RGS7: variants seen among roughly 807,000 people sequenced by gnomAD.
RGS7 encodes the protein regulator of G-protein signaling 7.
A neutral mutation model predicts 81.1 loss-of-function variants in RGS7; 27 were observed. That is an observed-to-expected ratio of 0.33 (90% CI 0.25 to 0.46). The LOEUF (loss-of-function observed/expected upper bound fraction) is 0.46. Among genes scored for constraint, RGS7 ranks in the 20% least tolerant of loss-of-function variants. The pLI is 1.00. For missense variants in RGS7, 396 were observed against 607.4 expected, an observed-to-expected ratio of 0.65 and a Z score of 3.66; for synonymous variants, 208 against 207.7, an observed-to-expected ratio of 1.00 and a Z score of -0.01.
intron 2 of RGS7, among the ~76,000 whole-genome samples, chr1:241,152,540 C>A (rs970906971): frequency 4.6e-5 from 7 of 152,130 alleles, no homozygotes; most frequent in Non-Finnish European, 8.8e-5. Flanking sequence ...ATTGTGCAGG[C>A]GTAGGTCTTG....
At chr1:241,221,038 GAA>G (rs1491557038) in intron 2 of RGS7, among the ~76,000 whole-genome samples, 2,115 of 73,300 alleles carry the variant, frequency 0.029, 79 homozygotes, top group Admixed American at 0.15. Flanking sequence ...AGGAAGGAAG[GAA>G]AAGAAAGAAA....
chr1:240,907,441 T>C (rs1671004303), intron 6 of RGS7, among the ~76,000 whole-genome samples: 1 of 151,324 alleles, frequency 6.6e-6, no homozygotes, highest in Non-Finnish European at 1.5e-5. Context: ...ATCGTAGAAA[T>C]AAAATACTAA....
chr1:240,941,889 AGCATCAC>A (rs893247053), intron 4 of RGS7, among the ~76,000 whole-genome samples: 2 of 151,112 alleles, frequency 1.3e-5, no homozygotes, highest in African/African-American at 4.9e-5. Flanking sequence ...ATGGCCCAGC[AGCATCAC>A]GCTTCACGGC....
At position 240,881,349 on chromosome 1, in the gene RGS7, G is replaced by A. The variant is rs1357277755; in HGVS notation, c.386-11230C>T. On this transcript the variant is annotated intron_variant, in intron 6 of 18. Coordinates refer to ENST00000440928, the MANE Select transcript of RGS7 (RefSeq NM_001364886.1). ...GAACATCACACACGGGGGGCCTGTC[G>A]TGGGGTGGGGGGCTAGGGGAAGGAT... 5.3e-5 allele frequency among the ~76,000 whole-genome samples: 8 copies of A among 150,236 alleles called. No homozygotes were observed. The South Asian group carries it at 1.3e-3, about 24-fold the overall frequency.
intron 4 of RGS7, among the ~76,000 whole-genome samples, chr1:240,979,030 T>C (rs746766549): frequency 1.3e-5 from 2 of 152,100 alleles, no homozygotes; most frequent in Non-Finnish European, 2.9e-5. Context: ...CAATGGCCCA[T>C]TTATATTTTG....
chr1:241,002,562 C>T (rs1185831384), intron 3 of RGS7, among the ~76,000 whole-genome samples: 1 of 151,876 alleles, frequency 6.6e-6, no homozygotes, highest in African/African-American at 2.4e-5. Flanking sequence ...ATTTTGCTGT[C>T]ACATTTTATA....
At chr1:241,299,775 T>A (rs1237150020) in intron 2 of RGS7, among the ~76,000 whole-genome samples, 3 of 150,710 alleles carry the variant, frequency 2.0e-5, no homozygotes, top group Non-Finnish European at 4.4e-5. Flanking sequence ...AACTGTCACA[T>A]TAAAGCATCA....
chr1:241,346,274 G>A (rs987077224), intron 2 of RGS7, among the ~76,000 whole-genome samples: 1 of 137,510 alleles, frequency 7.3e-6, no homozygotes, highest in Non-Finnish European at 1.6e-5. Flanking sequence ...ATCCTATGAT[G>A]AGGTGCTTGG....
At chr1:241,257,388 A>G (rs2077103983) in intron 2 of RGS7, among the ~76,000 whole-genome samples, 1 of 152,198 alleles carries the variant, frequency 6.6e-6, no homozygotes, top group Admixed American at 6.5e-5. Context: ...TTGGGGATCA[A>G]GTTTCAACAT....
At chr1:240,792,006 C>T (rs1368503379) in intron 18 of RGS7, among the ~76,000 whole-genome samples, 1 of 152,148 alleles carries the variant, frequency 6.6e-6, no homozygotes, top group Non-Finnish European at 1.5e-5. Flanking sequence ...GATTACATTA[C>T]ATAGAAGATA....
intron 9 of RGS7, among the ~76,000 whole-genome samples, chr1:240,849,521 T>A (rs996323495): frequency 2.0e-4 from 30 of 152,336 alleles, no homozygotes; most frequent in Middle Eastern, 3.4e-3. Context: ...CTCCTCCAAA[T>A]CTCATGTTGA....
At chr1:240,872,135 C>T (rs529077301) in intron 6 of RGS7, among the ~76,000 whole-genome samples, 22 of 152,136 alleles carry the variant, frequency 1.4e-4, no homozygotes, top group African/African-American at 4.3e-4. Flanking sequence ...AATGAAGGTG[C>T]GGGCAGACAG....
At chr1:241,136,759 CA>C (rs1267993017) in intron 2 of RGS7, among the ~76,000 whole-genome samples, 27 of 152,288 alleles carry the variant, frequency 1.8e-4, no homozygotes, top group African/African-American at 6.3e-4. Flanking sequence ...TTTGTGATTT[CA>C]CATGTAAAAA....
chr1:241,200,966 A>G (rs1265450267), intron 2 of RGS7, among the ~76,000 whole-genome samples: 1 of 152,158 alleles, frequency 6.6e-6, no homozygotes, highest in Non-Finnish European at 1.5e-5. Flanking sequence ...CTACCTGCTG[A>G]TATCTTCAAG....
intron 2 of RGS7, among the ~76,000 whole-genome samples, chr1:241,131,525 T>C (rs1249885329): frequency 6.6e-6 from 1 of 152,174 alleles, no homozygotes; most frequent in Non-Finnish European, 1.5e-5. Flanking sequence ...GAACTACTGT[T>C]TGTAGAAGAC....
chr1:241,063,039 AG>A lies in RGS7; in HGVS notation c.175+35626del, dbSNP rs372746183. Among the ~76,000 whole-genome samples, 712 of 152,206 alleles carry A rather than the reference AG, an allele frequency of 4.7e-3. 5 individuals are homozygous for A. The highest frequency in any genetic ancestry group is 0.016 in the African/African-American group (685 of 41,526). On this transcript the variant is annotated intron_variant, in intron 3 of 18. Transcript: ENST00000440928. Reference sequence around the variant, plus strand: ...ACGGATATAAGTCTTGTGTAGTCTGAGGTGTTCATTTCAACCCTGGATAGTA... The same window carrying A: ...ACGGATATAAGTCTTGTGTAGTCTGAGTGTTCATTTCAACCCTGGATAGTA...
At chr1:241,146,457 G>C (rs1308950128) in intron 2 of RGS7, among the ~76,000 whole-genome samples, 1 of 152,126 alleles carries the variant, frequency 6.6e-6, no homozygotes, top group African/African-American at 2.4e-5. Context: ...GAGAAACAAC[G>C]CTATGCTCTG....
In RGS7 at chr1:241,357,126, C is replaced by G. The variant is rs935944188; in HGVS notation, c.-278G>C. On this transcript the variant is annotated 5_prime_UTR_variant, in exon 1 of 19. Coordinates refer to ENST00000440928, the MANE Select transcript of RGS7 (RefSeq NM_001364886.1). ...CGGCAGCCGCCACTCGCGCCCGCTC[C>G]CCTGGGCCGCCTCGCTGGCTCTCTC... The G allele has an allele frequency of 1.3e-5, 2 of 152,178 alleles. No individual in the cohort carries two copies. The highest frequency in any genetic ancestry group is 1.5e-5 in the Non-Finnish European group (1 of 68,190). The allele number at this position is 152,178 out of a possible 1,614,324, so 9.4% of individuals were successfully genotyped here. A position where few individuals can be genotyped will look rare whatever the true frequency, so the allele number is the denominator to read the frequency against.
intron 3 of RGS7, among the ~76,000 whole-genome samples, chr1:241,065,674 C>A (rs2062020400): frequency 6.6e-6 from 1 of 152,158 alleles, no homozygotes; most frequent in South Asian, 2.1e-4. Flanking sequence ...TATGGTTATT[C>A]TTAAAAACAA....
Sources: allele counts gnomAD v4.1 joint callset (sites outside exome capture counted in the v4.1 genomes callset), GRCh38; gene constraint gnomAD v4.1.1; transcripts MANE v1.5; gene names NCBI Gene and HGNC (gene_info 2026-07-23, HGNC 2026-07-21).